SYN3: variants seen among roughly 807,000 people sequenced by gnomAD.
SYN3 encodes synapsin-3.
A neutral mutation model predicts 65.8 loss-of-function variants in SYN3; 35 were observed. That is an observed-to-expected ratio of 0.53 (90% CI 0.41 to 0.70). The LOEUF (loss-of-function observed/expected upper bound fraction) is 0.70. Among genes scored for constraint, SYN3 ranks in the 30% least tolerant of loss-of-function variants. The pLI is 0.00. For missense variants in SYN3, 680 were observed against 749.0 expected, an observed-to-expected ratio of 0.91 and a Z score of 1.08; for synonymous variants, 270 against 292.9, an observed-to-expected ratio of 0.92 and a Z score of 0.80.
intron 6 of SYN3, among the ~76,000 whole-genome samples, chr22:32,650,638 C>G (rs979563371): frequency 1.3e-5 from 2 of 152,048 alleles, no homozygotes; most frequent in East Asian, 3.9e-4. Flanking sequence ...TCCCATTACA[C>G]AAATGAAGGA....
intron 6 of SYN3, among the ~76,000 whole-genome samples, chr22:32,738,233 G>A (rs893792072): frequency 1.3e-5 from 2 of 152,128 alleles, no homozygotes; most frequent in Non-Finnish European, 2.9e-5. Context: ...ATGAGGGAAA[G>A]ACTCTCTCTG....
rs2053211554 is a variant in SYN3, at chr22:33,006,797, GTCAGC to G, written c.-140_-136del. 1.2e-6 allele frequency: 1 copy of G among 812,650 alleles called. No individual in the cohort carries two copies. Among genetic ancestry groups the G allele is most frequent in the Non-Finnish European group, 1.9e-6 (1 of 528,622 alleles). 50.3% of individuals were successfully genotyped at this position (812,650 alleles called of 1,614,324 possible). Reference sequence around the variant, plus strand: ...CCAGGGGGATTTTGCGCAACCAGCAGTCAGCTTTAGCTGCCTTTATTTACCTGCTG... The same window carrying G: ...CCAGGGGGATTTTGCGCAACCAGCAGTTTAGCTGCCTTTATTTACCTGCTG... On this transcript the variant is annotated 5_prime_UTR_variant, in exon 2 of 14. Transcript: ENST00000358763.
intron 5 of SYN3, 111 bp from the exon 6 acceptor site, chr22:32,865,115 A>T (rs916810305): frequency 2.4e-6 from 2 of 838,100 alleles, no homozygotes; most frequent in Non-Finnish European, 4.1e-6. Context: ...GAGCTTCAGT[A>T]GGTGCTATCC....
At chr22:32,800,320 A>G (rs1446673478) in intron 6 of SYN3, among the ~76,000 whole-genome samples, 1 of 152,184 alleles carries the variant, frequency 6.6e-6, no homozygotes, top group African/African-American at 2.4e-5. Context: ...GGCCATTTGC[A>G]GTTAGATGGA....
At chr22:33,018,402 T>A (rs2053505264) in intron 1 of SYN3, among the ~76,000 whole-genome samples, 1 of 152,130 alleles carries the variant, frequency 6.6e-6, no homozygotes, top group East Asian at 1.9e-4. Flanking sequence ...GTAGGCCCCG[T>A]GGGTACCCAG....
At chr22:32,586,805 T>A (rs1381289296) in intron 7 of SYN3, among the ~76,000 whole-genome samples, 3 of 152,194 alleles carry the variant, frequency 2.0e-5, no homozygotes, top group African/African-American at 7.2e-5. Context: ...GGACTGTGTA[T>A]GTTGCATTTG....
intron 6 of SYN3, among the ~76,000 whole-genome samples, chr22:32,747,314 A>ACAAAACAAAACAAAT (rs1555946384): frequency 1.3e-5 from 2 of 151,908 alleles, no homozygotes; most frequent in African/African-American, 4.8e-5. Flanking sequence ...CAAAAACAAA[A>ACAAAACAAAACAAAT]CAAAACAAAA....
At chr22:32,520,800 C>T (rs922734606) in intron 12 of SYN3, among the ~76,000 whole-genome samples, 4 of 152,158 alleles carry the variant, frequency 2.6e-5, no homozygotes, top group Non-Finnish European at 5.9e-5. Flanking sequence ...CCTGACTCCA[C>T]ACTGGCACCA....
At chr22:32,972,568 G>A (rs1369820525) in intron 3 of SYN3, among the ~76,000 whole-genome samples, 1 of 152,118 alleles carries the variant, frequency 6.6e-6, no homozygotes, top group Admixed American at 6.5e-5. Context: ...TCTACCAATG[G>A]GAGGCATTCA....
At chr22:32,874,554 A>C (rs2048934330) in intron 4 of SYN3, among the ~76,000 whole-genome samples, 1 of 152,250 alleles carries the variant, frequency 6.6e-6, no homozygotes. Flanking sequence ...TCAAATATGC[A>C]GAGGTCTGTG....
At position 32,934,973 on chromosome 22, in the gene SYN3, T is replaced by A. The variant is rs569103304; in HGVS notation, c.370-3492A>T. Among the ~76,000 whole-genome samples the A allele has an allele frequency of 2.2e-4, 33 of 152,324 alleles. 1 individual carries two copies. The South Asian group carries it at 6.8e-3, about 32-fold the overall frequency. ...AGAAATGCTGAGAGTCACTAGAAGC[T>A]GGAGGAGCCAAGGAAGGTCTCCCCT... On this transcript the variant is annotated intron_variant, in intron 3 of 13. Coordinates refer to ENST00000358763, the MANE Select transcript of SYN3 (RefSeq NM_003490.4).
chr22:32,937,988 A>C (rs1418127200), intron 3 of SYN3, among the ~76,000 whole-genome samples: 11 of 152,222 alleles, frequency 7.2e-5, no homozygotes, highest in Non-Finnish European at 1.5e-4. Context: ...GTTTTTCTAC[A>C]TTTAATGAAA....
At chr22:32,552,543 G>A (rs896792916) in intron 7 of SYN3, among the ~76,000 whole-genome samples, 8 of 151,698 alleles carry the variant, frequency 5.3e-5, no homozygotes, top group African/African-American at 1.5e-4. Flanking sequence ...AGGACTAAAG[G>A]AGAAAAACAA....
At chr22:32,592,510 G>T (rs899067757) in intron 7 of SYN3, among the ~76,000 whole-genome samples, 6 of 152,256 alleles carry the variant, frequency 3.9e-5, no homozygotes, top group Admixed American at 2.0e-4. Flanking sequence ...GGGGGTAATT[G>T]TTCCATCTCT....
At chr22:32,568,160 G>A (rs2058699337) in intron 7 of SYN3, among the ~76,000 whole-genome samples, 2 of 152,168 alleles carry the variant, frequency 1.3e-5, no homozygotes, top group Non-Finnish European at 2.9e-5. Context: ...GGGAGGTCCT[G>A]AATGACACCA....
chr22:32,579,648 G>T (rs2058907033), intron 7 of SYN3, among the ~76,000 whole-genome samples: 1 of 152,140 alleles, frequency 6.6e-6, no homozygotes, highest in South Asian at 2.1e-4. Context: ...AAAAGCCTTT[G>T]CCCCTCCTCC....
intron 6 of SYN3, among the ~76,000 whole-genome samples, chr22:32,632,904 C>T (rs376737576): frequency 1.3e-5 from 2 of 152,212 alleles, no homozygotes; most frequent in South Asian, 2.1e-4. Context: ...ATTAGTTCAT[C>T]GGGTAGTTAT....
chr22:32,948,538 C>G (rs1486380420), intron 3 of SYN3, among the ~76,000 whole-genome samples: 1 of 152,028 alleles, frequency 6.6e-6, no homozygotes, highest in Non-Finnish European at 1.5e-5. Flanking sequence ...AGATCGAGAC[C>G]ATACTGGCTA....
intron 6 of SYN3, among the ~76,000 whole-genome samples, chr22:32,778,687 G>A (rs1042093531): frequency 5.3e-5 from 8 of 152,126 alleles, no homozygotes; most frequent in African/African-American, 1.4e-4. Flanking sequence ...TGAGTGAAGC[G>A]GAATCCCTAG....
Sources: gnomAD v4.1 joint callset for allele counts (sites outside exome capture counted in the v4.1 genomes callset) on GRCh38, gnomAD v4.1.1 for gene constraint, MANE v1.5 for transcripts, NCBI Gene and HGNC (gene_info 2026-07-23, HGNC 2026-07-21) for gene names.